PTH1R: variants seen among roughly 807,000 people sequenced by gnomAD.
The protein encoded by PTH1R is parathyroid hormone 1 receptor.
Under a neutral mutation model 70.7 loss-of-function variants are expected in PTH1R, and 32 were observed. That is an observed-to-expected ratio of 0.45 (90% confidence interval 0.34 to 0.61). The LOEUF (loss-of-function observed/expected upper bound fraction) is 0.61. Among genes scored for constraint, PTH1R ranks in the 20% least tolerant of loss-of-function variants. PTH1R has a pLI of 0.01. For synonymous variants in PTH1R, 329 were observed against 324.8 expected (o/e 1.01, Z -0.14); for missense variants, 626 against 792.5 (o/e 0.79, Z 2.52).
At chr3:46,881,763 C>T (rs1340748111) in intron 2 of PTH1R, among the ~76,000 whole-genome samples, 1 of 151,842 alleles carries the variant, frequency 6.6e-6, no homozygotes, top group Non-Finnish European at 1.5e-5. Context: ...AAGCCGGGCT[C>T]GGGGCTGGCA....
At position 46,882,009 on chromosome 3, in the gene PTH1R, G is replaced by T. The variant is rs1295205940; in HGVS notation, c.-49+891G>T. ...CAGAAGAGAATGAAGCGGCGGCGGC[G>T]TCCCGGGTTCCCTGCTCGGGTCTCG... On this transcript the variant is annotated intron_variant, in intron 2 of 15. Transcript: ENST00000449590. The surrounding 1 kb of genome is among the most constrained non-coding windows in gnomAD (Gnocchi z 4.3). 1.3e-5 allele frequency: 2 copies of T among 152,018 alleles called. No homozygotes were observed. The highest frequency in any genetic ancestry group is 2.9e-5 in the Non-Finnish European group (2 of 68,058). 9.4% of individuals were successfully genotyped at this position (152,018 alleles called of 1,614,324 possible). A position where few individuals can be genotyped will look rare whatever the true frequency, so the allele number is the denominator to read the frequency against.
Position 46,901,406 on chromosome 3 carries a change from T to TC in PTH1R, c.1050-3dup, listed in dbSNP as rs754628395. 2.1e-5 allele frequency: 33 copies of TC among 1,564,798 alleles called. No individual in the cohort carries two copies. The highest frequency in any genetic ancestry group is 3.3e-4 in the Middle Eastern group (2 of 6,006). ...AGGGATGGGAGCTAATGCCTCAACC[T>TC]CCCCCAGGTGCTGGGACTTGAGCTC... On this transcript the variant is annotated splice_polypyrimidine_tract_variant and splice_region_variant and intron_variant, in intron 11 of 15. Coordinates refer to ENST00000449590, the MANE Select transcript of PTH1R (RefSeq NM_000316.3). The surrounding 1 kb of genome is among the most constrained non-coding windows in gnomAD (Gnocchi z 7.3).
In PTH1R at chr3:46,878,342, A is replaced by G. The variant is rs2030355766; in HGVS notation, c.-106+499A>G. Among the ~76,000 whole-genome samples, 4 of 152,146 alleles carry G rather than the reference A, an allele frequency of 2.6e-5. No homozygotes were observed. In the South Asian group the frequency reaches 8.3e-4, roughly 32 times the overall value. On this transcript the variant is annotated intron_variant, in intron 1 of 15. Coordinates refer to ENST00000449590, the MANE Select transcript of PTH1R (RefSeq NM_000316.3). ...TGGGCTCTTGCCTCAAAAAGTTTCC[A>G]GAGGGGCCTAGAAGCCGAGAGAGGT...
chr3:46,899,501 C>T (rs201419242), intron 10 of PTH1R, 45 bp downstream of exon 10: 57 of 1,589,614 alleles, frequency 3.6e-5, no homozygotes, highest in South Asian at 4.5e-5. Flanking sequence ...GGGGTGGGAC[C>T]GTGGGTGACA....
intron 3 of PTH1R, among the ~76,000 whole-genome samples, chr3:46,889,291 C>T (rs1205297951): frequency 6.6e-6 from 1 of 152,254 alleles, no homozygotes; most frequent in African/African-American, 2.4e-5. Context: ...ATCACCGGCA[C>T]CTTTATGTCT....
intron 4 of PTH1R, among the ~76,000 whole-genome samples, chr3:46,894,955 A>T (rs369253038): frequency 9.2e-5 from 14 of 151,392 alleles, no homozygotes; most frequent in African/African-American, 3.1e-4. Flanking sequence ...TCCCAGCTAT[A>T]GGGGAGGCTA....
Position 46,883,283 on chromosome 3 carries a change from G to C in PTH1R, c.-48-229G>C, listed in dbSNP as rs1039854062. ...GCAGACGGGCCGCTCCGCAGCGCTC[G>C]GCGCCCGCCCGCCGCCCGCCCGGCC... On this transcript the variant is annotated intron_variant, in intron 2 of 15. Transcript: ENST00000449590. The surrounding 1 kb of genome is among the most constrained non-coding windows in gnomAD (Gnocchi z 6.4). The C allele has an allele frequency of 6.8e-5, 19 of 277,562 alleles. No individual in the cohort carries two copies. In the Middle Eastern group the frequency reaches 3.3e-3, roughly 48 times the overall value. 17.2% of individuals were successfully genotyped at this position (277,562 alleles called of 1,614,324 possible).
Position 46,901,730 on chromosome 3 carries a change from G to C in PTH1R, c.1117-36G>C, listed in dbSNP as rs202147694. On this transcript the variant is annotated intron_variant, in intron 12 of 15. Transcript: ENST00000449590. The surrounding 1 kb of genome is among the most constrained non-coding windows in gnomAD (Gnocchi z 7.3). Reference sequence around the variant, plus strand: ...CCAGGCCTTGCCCCGCCCCACTAGGGTGCAGCCTCCAGACGCAGCCCCCTC... The same window carrying C: ...CCAGGCCTTGCCCCGCCCCACTAGGCTGCAGCCTCCAGACGCAGCCCCCTC... The C allele has an allele frequency of 6.3e-6, 10 of 1,593,126 alleles. No homozygotes were observed. In the African/African-American group the frequency reaches 1.2e-4, roughly 19 times the overall value.
intron 5 of PTH1R, 82 bp from the exon 6 acceptor site, chr3:46,897,773 A>G (rs2107032559): frequency 1.6e-6 from 2 of 1,228,964 alleles, no homozygotes; most frequent in Middle Eastern, 2.7e-4. Flanking sequence ...AACAAACCAC[A>G]GATGTATTCA....
At position 46,877,782 on chromosome 3, in the gene PTH1R, C is replaced by T. The variant is rs964430337; in HGVS notation, c.-167C>T. ...GCTCAGGGACTATCCATGGCCTCCC[C>T]GTGGCCAACTTGAGTCTGCTCTGCA... is the stretch of plus-strand genomic sequence containing the variant. On this transcript the variant is annotated 5_prime_UTR_variant, in exon 1 of 16. Transcript: ENST00000449590. 18 of 152,268 alleles carry T rather than the reference C, an allele frequency of 1.2e-4. No individual in the cohort carries two copies. The highest frequency in any genetic ancestry group is 1.9e-4 in the Non-Finnish European group (13 of 68,056). The allele number at this position is 152,268 out of a possible 1,614,324, so 9.4% of individuals were successfully genotyped here. A position where few individuals can be genotyped will look rare whatever the true frequency, so the allele number is the denominator to read the frequency against.
rs926145116 is a variant in PTH1R, at chr3:46,883,279, G to T, written c.-48-233G>T. 4 of 274,072 alleles carry T rather than the reference G, an allele frequency of 1.5e-5. No homozygotes were observed. Among genetic ancestry groups the T allele is most frequent in the African/African-American group, 2.2e-5 (1 of 44,544 alleles). 17.0% of individuals were successfully genotyped at this position (274,072 alleles called of 1,614,324 possible). A position where few individuals can be genotyped will look rare whatever the true frequency, so the allele number is the denominator to read the frequency against. Reference sequence around the variant, plus strand: ...CGAGGCAGACGGGCCGCTCCGCAGCGCTCGGCGCCCGCCCGCCGCCCGCCC... The same window carrying T: ...CGAGGCAGACGGGCCGCTCCGCAGCTCTCGGCGCCCGCCCGCCGCCCGCCC... On this transcript the variant is annotated intron_variant, in intron 2 of 15. Transcript: ENST00000449590. This position sits in a 1 kb window ranked among gnomAD's most constrained non-coding sequence, Gnocchi z 6.4.
Position 46,882,419 on chromosome 3 carries a change from GC to G in PTH1R, c.-48-1089del. 2 of 151,494 alleles carry G rather than the reference GC, an allele frequency of 1.3e-5. No individual in the cohort carries two copies. The highest frequency in any genetic ancestry group is 2.1e-4 in the South Asian group (1 of 4,806). 9.4% of individuals were successfully genotyped at this position (151,494 alleles called of 1,614,324 possible). On this transcript the variant is annotated intron_variant, in intron 2 of 15. Coordinates refer to ENST00000449590, the MANE Select transcript of PTH1R (RefSeq NM_000316.3). This position sits in a 1 kb window ranked among gnomAD's most constrained non-coding sequence, Gnocchi z 4.3. ...CTGGCTTGGGGAGGCTGTCGGGGGG[GC>G]CCCGACATCCATGGCAAGGCGGGGG... is the stretch of plus-strand genomic sequence containing the variant.
At chr3:46,898,015 G>A in intron 6 of PTH1R, 50 bp downstream of exon 6, 2 of 1,613,332 alleles carry the variant, frequency 1.2e-6, no homozygotes, top group Non-Finnish European at 8.5e-7. Context: ...GAGACTTGGA[G>A]CTAGGGGTTC....
rs2030706095 is a variant in PTH1R, at chr3:46,882,856, G to A, written c.-48-656G>A. Among the ~76,000 whole-genome samples, 1 of 151,974 alleles carries A rather than the reference G, an allele frequency of 6.6e-6. No homozygotes were observed. Among genetic ancestry groups the A allele is most frequent in the African/African-American group, 2.4e-5 (1 of 41,412 alleles). On this transcript the variant is annotated intron_variant, in intron 2 of 15. Transcript: ENST00000449590. The surrounding 1 kb of genome is among the most constrained non-coding windows in gnomAD (Gnocchi z 4.3). ...CCAAGGATGGGGAAGGGGTGCGGGA[G>A]GCGGCTGCCGAGGGTCTGGGATCTC...
Position 46,884,526 on chromosome 3 carries a change from C to G in PTH1R, c.75+892C>G, listed in dbSNP as rs1299785315. On this transcript the variant is annotated intron_variant, in intron 3 of 15. Transcript: ENST00000449590. This position sits in a 1 kb window ranked among gnomAD's most constrained non-coding sequence, Gnocchi z 4.8. ...CCCACTTGCTGGGAAGGGGGCTGTC[C>G]CAGCCCCTCAGTCCTATTCCACAGC... 1.3e-5 allele frequency among the ~76,000 whole-genome samples: 2 copies of G among 152,202 alleles called. No individual in the cohort carries two copies. The highest frequency in any genetic ancestry group is 2.9e-5 in the Non-Finnish European group (2 of 68,016).
rs993199426 is a variant in PTH1R, at chr3:46,882,900, G to A, written c.-48-612G>A. Among the ~76,000 whole-genome samples the A allele has an allele frequency of 8.5e-5, 13 of 152,062 alleles. No individual in the cohort carries two copies. The highest frequency in any genetic ancestry group is 2.9e-4 in the African/African-American group (12 of 41,522). On this transcript the variant is annotated intron_variant, in intron 2 of 15. Transcript: ENST00000449590. This position sits in a 1 kb window ranked among gnomAD's most constrained non-coding sequence, Gnocchi z 4.3. The stretch of plus-strand genomic sequence containing the variant: ...GGATCTCAGGAGGCCGAACGGCCGG[G>A]GGCTGGCGGCCGGAACACCTAAGGG...
In PTH1R at chr3:46,901,626, C is replaced by A; in HGVS notation, c.1117-140C>A. On this transcript the variant is annotated intron_variant, in intron 12 of 15. Transcript: ENST00000449590. This position sits in a 1 kb window ranked among gnomAD's most constrained non-coding sequence, Gnocchi z 7.3. ...GCCGGAGGACCAGCTGATCCACACT[C>A]CAGCCCAGAAAGGAAAACCAAGGGC... is the stretch of plus-strand genomic sequence containing the variant. 7.5e-7 allele frequency: 1 copy of A among 1,341,436 alleles called. No homozygotes were observed. Among genetic ancestry groups the A allele is most frequent in the Non-Finnish European group, 1.0e-6 (1 of 957,778 alleles). 83.1% of individuals were successfully genotyped at this position (1,341,436 alleles called of 1,614,324 possible).
chr3:46,897,807 C>A lies in PTH1R; in HGVS notation c.314-48C>A. On this transcript the variant is annotated intron_variant, in intron 5 of 15. Coordinates refer to ENST00000449590, the MANE Select transcript of PTH1R (RefSeq NM_000316.3). ...CATCCTTCTGGGTCACTAATCATGG[C>A]CTTGACTCTCCCTTGGTATCCCCTA... 2.6e-6 allele frequency: 4 copies of A among 1,514,054 alleles called. 1 individual carries two copies. Among genetic ancestry groups the A allele is most frequent in the South Asian group, 2.2e-5 (2 of 88,898 alleles). The allele number at this position is 1,514,054 out of a possible 1,614,324, so 93.8% of individuals were successfully genotyped here.
chr3:46,894,361 G>T (rs1307203229), intron 4 of PTH1R, among the ~76,000 whole-genome samples: 1 of 152,154 alleles, frequency 6.6e-6, no homozygotes, highest in East Asian at 1.9e-4. Flanking sequence ...GGGTTCTGCA[G>T]GGGTTGAGGC....
Sources: gnomAD v4.1 joint callset for allele counts (sites outside exome capture counted in the v4.1 genomes callset) on GRCh38, gnomAD v4.1.1 for gene constraint, Gnocchi (gnomAD v3.1) non-coding constraint, MANE v1.5 for transcripts, NCBI Gene and HGNC (gene_info 2026-07-23, HGNC 2026-07-21) for gene names.